Variants in NEBL observed in about 807,000 individuals in gnomAD.
NEBL encodes LIM and SH3 protein 2.
A neutral mutation model predicts 140.2 loss-of-function variants in NEBL; 122 were observed. That is an observed-to-expected ratio of 0.87 (90% CI 0.75 to 1.01). The LOEUF is 1.01. NEBL is among the 50% of genes least tolerant of loss of function. The pLI, the probability that NEBL is intolerant of heterozygous loss-of-function variation, is 0.00. For synonymous variants in NEBL, 436 were observed against 398.9 expected (o/e 1.09, Z -1.11); for missense variants, 1,365 against 1,231.3 (o/e 1.11, Z -1.62).
chr10:20,980,125 A>G (rs555762656), intron 3 of NEBL, among the ~76,000 whole-genome samples: 1 of 152,102 alleles, frequency 6.6e-6, no homozygotes, highest in African/African-American at 2.4e-5. Context: ...CTTGTATTCA[A>G]AGAACTCAAT....
At chr10:21,146,084 G>A (rs906775711) in intron 2 of NEBL, among the ~76,000 whole-genome samples, 1 of 152,080 alleles carries the variant, frequency 6.6e-6, no homozygotes, top group African/African-American at 2.4e-5. Flanking sequence ...CATGAATAGG[G>A]AAAAATTCAT....
intron 2 of NEBL, among the ~76,000 whole-genome samples, chr10:21,096,851 C>A (rs771547443): frequency 1.1e-4 from 16 of 152,062 alleles, no homozygotes; most frequent in Admixed American, 2.0e-4. Flanking sequence ...AGTTTCATCA[C>A]ATTGGTCTTT....
chr10:20,813,893 C>T (rs766611020), intron 23 of NEBL, 46 bp downstream of exon 23: 96 of 1,212,516 alleles, frequency 7.9e-5, no homozygotes, highest in Non-Finnish European at 1.1e-4. Flanking sequence ...GCACTGGATC[C>T]GCCCATTCCT....
intron 2 of NEBL, among the ~76,000 whole-genome samples, chr10:21,104,478 T>G (rs1020416247): frequency 3.9e-5 from 6 of 152,240 alleles, no homozygotes; most frequent in African/African-American, 1.4e-4. Flanking sequence ...CAGTATTTCA[T>G]AAGTTTTGAT....
chr10:21,256,830 C>A (rs1427014782), intron 1 of NEBL, among the ~76,000 whole-genome samples: 1 of 152,318 alleles, frequency 6.6e-6, no homozygotes, highest in East Asian at 1.9e-4. Flanking sequence ...CAGAGCAAGA[C>A]CCTGTCTAAA....
intron 3 of NEBL, among the ~76,000 whole-genome samples, chr10:21,000,915 A>T (rs1326871900): frequency 6.6e-6 from 1 of 152,172 alleles, no homozygotes; most frequent in East Asian, 1.9e-4. Context: ...AAGGGCAGAG[A>T]AAAAGGGAAG....
intron 3 of NEBL, among the ~76,000 whole-genome samples, chr10:21,004,803 G>A (rs1838059468): frequency 1.3e-5 from 2 of 152,290 alleles, no homozygotes; most frequent in South Asian, 2.1e-4. Flanking sequence ...GCCCATGAAT[G>A]AGCATTCTCA....
chr10:21,231,757 G>T (rs1010260875), intron 3 of NEBL, among the ~76,000 whole-genome samples: 1 of 152,158 alleles, frequency 6.6e-6, no homozygotes, highest in Non-Finnish European at 1.5e-5. Flanking sequence ...GAATAGAAAG[G>T]CATCAGCAGG....
intron 4 of NEBL, among the ~76,000 whole-genome samples, chr10:20,955,683 T>C (rs188348444): frequency 6.6e-6 from 1 of 152,126 alleles, no homozygotes; most frequent in African/African-American, 2.4e-5. Context: ...GGGTCATAAT[T>C]AGGGTCTTGA....
intron 3 of NEBL, among the ~76,000 whole-genome samples, chr10:21,216,062 C>T (rs563640692): frequency 5.3e-5 from 8 of 152,260 alleles, no homozygotes; most frequent in East Asian, 1.9e-4. Flanking sequence ...ATCACAGTTC[C>T]GCCCCTGATT....
intron 2 of NEBL, among the ~76,000 whole-genome samples, chr10:21,097,155 A>G (rs764583595): frequency 2.0e-5 from 3 of 150,050 alleles, no homozygotes; most frequent in Non-Finnish European, 3.0e-5. Context: ...TTGCAAATAA[A>G]ATGAGCTCAA....
intron 3 of NEBL, among the ~76,000 whole-genome samples, chr10:20,995,602 G>A (rs533157259): frequency 4.6e-5 from 7 of 152,284 alleles, no homozygotes; most frequent in Admixed American, 2.0e-4. Flanking sequence ...ATAGGAGGAC[G>A]CTGGAGAAAC....
At chr10:20,949,458 T>C (rs1292007698) in intron 4 of NEBL, among the ~76,000 whole-genome samples, 2 of 152,008 alleles carry the variant, frequency 1.3e-5, no homozygotes, top group African/African-American at 4.8e-5. Flanking sequence ...GAACGTAAAG[T>C]AAAAAATAAA....
At chr10:21,286,928 G>A (rs1407877235) in intron 1 of NEBL, among the ~76,000 whole-genome samples, 2 of 152,156 alleles carry the variant, frequency 1.3e-5, no homozygotes, top group Non-Finnish European at 2.9e-5. Flanking sequence ...CCAGAGTGGA[G>A]ATGGCAGTAG....
At chr10:21,118,337 G>A (rs117151191) in intron 2 of NEBL, among the ~76,000 whole-genome samples, 250 of 152,256 alleles carry the variant, frequency 1.6e-3, no homozygotes, top group Non-Finnish European at 2.9e-3. Flanking sequence ...CTGAGAAGGG[G>A]CAAAATGTTC....
At chr10:20,845,879 G>T (rs1426769533) in intron 11 of NEBL, among the ~76,000 whole-genome samples, 2 of 152,116 alleles carry the variant, frequency 1.3e-5, no homozygotes, top group Non-Finnish European at 2.9e-5. Flanking sequence ...TAGGGAGGGG[G>T]TTTCCCTTTA....
intron 3 of NEBL, among the ~76,000 whole-genome samples, chr10:20,995,105 C>T (rs1395090265): frequency 6.6e-6 from 1 of 152,196 alleles, no homozygotes; most frequent in Non-Finnish European, 1.5e-5. Flanking sequence ...TGGGGACCCC[C>T]CTCACCTTTG....
At chr10:20,973,249 T>TTC (rs1017258106) in intron 3 of NEBL, among the ~76,000 whole-genome samples, 1 of 140,196 alleles carries the variant, frequency 7.1e-6, no homozygotes, top group African/African-American at 2.5e-5. Flanking sequence ...ACCTTTTTCT[T>TTC]TTTTTTTTTT....
At chr10:21,133,739 T>C (rs1476574548) in intron 2 of NEBL, among the ~76,000 whole-genome samples, 1 of 152,120 alleles carries the variant, frequency 6.6e-6, no homozygotes, top group African/African-American at 2.4e-5. Flanking sequence ...TGTCTCAAAA[T>C]AATAGCCGTG....
Sources: gnomAD v4.1 joint callset for allele counts (sites outside exome capture counted in the v4.1 genomes callset) on GRCh38, gnomAD v4.1.1 for gene constraint, MANE v1.5 for transcripts, NCBI Gene and HGNC (gene_info 2026-07-23, HGNC 2026-07-21) for gene names.